The following FAAH2 variants were observed in gnomAD, a reference collection of about 807,000 sequenced individuals.
The protein encoded by FAAH2 is fatty acid amide hydrolase 2.
In FAAH2, 60 loss-of-function variants were observed where a neutral mutation model predicts 36.9. The ratio of observed to expected loss-of-function variants is 1.63; its 90% CI spans 1.32 to 2.02. The LOEUF (loss-of-function observed/expected upper bound fraction) is 2.02, where lower values mean the gene tolerates loss of function less well. FAAH2 is among the 30% of genes most tolerant of loss of function. The probability of loss-of-function intolerance (pLI) is 0.00; values close to 1 mark genes in which losing one functional copy is unlikely to be tolerated. For missense variants in FAAH2, 689 were observed against 397.5 expected, an observed-to-expected ratio of 1.73 and a Z score of -6.23; for synonymous variants, 214 against 143.8, an observed-to-expected ratio of 1.49 and a Z score of -3.49.
chrX:57,452,201 A>C (rs2056797138), intron 10 of FAAH2: 1 of 754,463 alleles, frequency 1.3e-6, no homozygotes, highest in African/African-American at 2.3e-5. Context: ...ACAGCATTTT[A>C]AAGATCTCAT....
chrX:57,292,281 A>T (rs962512674), intron 1 of FAAH2, among the ~76,000 whole-genome samples: 3 of 111,516 alleles, frequency 2.7e-5, no homozygotes, highest in African/African-American at 9.8e-5. Flanking sequence ...ATTGTTTGGA[A>T]CTTTCTTATA....
rs138516817 is a variant in FAAH2, at chrX:57,342,474, C to T, written c.742+1084C>T. 4.0e-3 allele frequency among the ~76,000 whole-genome samples: 447 copies of T among 111,163 alleles called. 2 individuals are homozygous for T. Among genetic ancestry groups the T allele is most frequent in the African/African-American group, 0.014 (421 of 30,627 alleles). On this transcript the variant is annotated intron_variant, in intron 5 of 10. Coordinates refer to ENST00000374900, the MANE Select transcript of FAAH2 (RefSeq NM_174912.4). Reference sequence around the variant, plus strand: ...GTCTGTAGAACAAACCCCCATGACACGTTTACCTATGTAACAAACCTGCAC... The same window carrying T: ...GTCTGTAGAACAAACCCCCATGACATGTTTACCTATGTAACAAACCTGCAC...
chrX:57,414,761 C>T (rs1439293022), intron 7 of FAAH2, among the ~76,000 whole-genome samples: 2 of 108,710 alleles, frequency 1.8e-5, no homozygotes, highest in Non-Finnish European at 3.8e-5. Context: ...CCCTCTGTTT[C>T]TATTGTTTGG....
rs767735654 is a variant in FAAH2, at chrX:57,341,283, G to T, written c.635G>T (p.Cys212Phe). 5.0e-6 allele frequency: 6 copies of T among 1,206,024 alleles called. No individual in the cohort carries two copies. The highest frequency in any genetic ancestry group is 2.3e-4 in the Middle Eastern group (1 of 4,357). The change falls in exon 5 of 11, where the codon TGC becomes TTC. Residue 212 changes from cysteine to phenylalanine, a missense_variant. Cys to Phe is a radical substitution (Grantham distance 205). Transcript: ENST00000374900. Reference protein sequence around the residue: ...IVGGSSGGEGCTLAAACSVIG... With the variant: ...IVGGSSGGEGFTLAAACSVIG... ...GTGTTTCTTGTAGGTGGTGAGGGCT[G>T]CACACTGGCAGCTGCCTGCTCAGTT... is the stretch of plus-strand genomic sequence containing the variant.
intron 10 of FAAH2, among the ~76,000 whole-genome samples, chrX:57,477,263 T>C (rs970000369): frequency 1.1e-4 from 12 of 110,815 alleles, no homozygotes; most frequent in Admixed American, 9.7e-4. Context: ...ATTTATGTTA[T>C]AGTATTGGCT....
At chrX:57,162,724 G>A in the FAAH2 span, among the ~76,000 whole-genome samples, 1 of 111,644 alleles carries the variant, frequency 9.0e-6, no homozygotes. Flanking sequence ...GCTCCTTTAA[G>A]CACTTGTCTG....
chrX:57,245,145 A>T, the FAAH2 span, among the ~76,000 whole-genome samples: 11 of 112,150 alleles, frequency 9.8e-5, no homozygotes, highest in Non-Finnish European at 1.9e-5. Context: ...AGGGCATTAC[A>T]TAATGGTAAA....
At chrX:57,237,610 C>T in the FAAH2 span, among the ~76,000 whole-genome samples, 1 of 110,885 alleles carries the variant, frequency 9.0e-6, no homozygotes, top group African/African-American at 3.3e-5. Flanking sequence ...AAAAAATTAA[C>T]TCCTTTTCAA....
the FAAH2 span, among the ~76,000 whole-genome samples, chrX:57,178,305 A>T: frequency 1.8e-5 from 2 of 112,223 alleles, no homozygotes; most frequent in East Asian, 5.6e-4. Flanking sequence ...ATTATAGCTG[A>T]GGTTGCACAA....
At chrX:57,464,757 A>G (rs1396379898) in intron 10 of FAAH2, among the ~76,000 whole-genome samples, 2 of 111,425 alleles carry the variant, frequency 1.8e-5, no homozygotes, top group Admixed American at 1.9e-4. Flanking sequence ...ATGACCTGGA[A>G]GATAGGATCA....
chrX:57,358,695 T>A lies in FAAH2; in HGVS notation c.742+17305T>A, dbSNP rs920559823. On this transcript the variant is annotated intron_variant, in intron 5 of 10. Coordinates refer to ENST00000374900, the MANE Select transcript of FAAH2 (RefSeq NM_174912.4). ...TTCAGAATGCTAAATCTCTTTGAAA[T>A]TCTAGAATTCAAGATCTGAGTATTT... 8.1e-5 allele frequency among the ~76,000 whole-genome samples: 9 copies of A among 111,603 alleles called. No homozygotes were observed. In the East Asian group the frequency reaches 2.3e-3, roughly 28 times the overall value.
intron 7 of FAAH2, among the ~76,000 whole-genome samples, chrX:57,410,974 A>G (rs986900313): frequency 5.4e-5 from 6 of 111,255 alleles, no homozygotes; most frequent in Non-Finnish European, 1.1e-4. Context: ...TGGTCCTTCA[A>G]TTCTTTCATA....
intron 7 of FAAH2, among the ~76,000 whole-genome samples, chrX:57,415,633 T>G (rs1040049804): frequency 9.9e-5 from 11 of 111,537 alleles, no homozygotes; most frequent in African/African-American, 1.6e-4. Flanking sequence ...TTGAGGAGTG[T>G]TTTACTTTCA....
At chrX:57,311,293 T>C (rs1172274005) in intron 3 of FAAH2, among the ~76,000 whole-genome samples, 2 of 112,525 alleles carry the variant, frequency 1.8e-5, no homozygotes, top group East Asian at 5.6e-4. Context: ...GGGAAATGTA[T>C]GGCTTTCAGT....
At chrX:57,381,493 C>T (rs1191447060) in intron 7 of FAAH2, 1 of 634,722 alleles carries the variant, frequency 1.6e-6, no homozygotes, top group African/African-American at 2.4e-5. Flanking sequence ...GGGGAACAGA[C>T]CTACCAAATT....
intron 8 of FAAH2, among the ~76,000 whole-genome samples, chrX:57,443,729 C>A (rs2056613456): frequency 8.9e-6 from 1 of 111,811 alleles, no homozygotes; most frequent in South Asian, 3.7e-4. Context: ...TCTGGTTTCT[C>A]CCCATCTTTG....
chrX:57,247,392 T>G, the FAAH2 span, among the ~76,000 whole-genome samples: 2 of 111,585 alleles, frequency 1.8e-5, no homozygotes, highest in Admixed American at 9.5e-5. Flanking sequence ...AGTATAAAAT[T>G]AGAAGGATGT....
intron 3 of FAAH2, among the ~76,000 whole-genome samples, chrX:57,325,595 C>T (rs1208655038): frequency 3.8e-5 from 4 of 105,077 alleles, no homozygotes; most frequent in African/African-American, 7.0e-5. Context: ...GGAATTTATC[C>T]GTTTCTTCTA....
the FAAH2 span, among the ~76,000 whole-genome samples, chrX:57,180,212 G>A: frequency 9.0e-6 from 1 of 111,327 alleles, no homozygotes; most frequent in Non-Finnish European, 1.9e-5. Flanking sequence ...AGCTAGAGTA[G>A]CAAAAACAAA....
Sources: gnomAD v4.1 joint callset for allele counts (sites outside exome capture counted in the v4.1 genomes callset) on GRCh38, gnomAD v4.1.1 for gene constraint, MANE v1.5 for transcripts, NCBI Gene and HGNC (gene_info 2026-07-23, HGNC 2026-07-21) for gene names.